CDH18: variants seen among roughly 807,000 people sequenced by gnomAD.
The protein encoded by CDH18 is cadherin-18.
A neutral mutation model predicts 67.9 loss-of-function variants in CDH18; 31 were observed. That is an observed-to-expected ratio of 0.46 (90% CI 0.34 to 0.62). CDH18 has a LOEUF of 0.62. CDH18 is among the 20% of genes least tolerant of loss of function. The pLI, the probability that CDH18 is intolerant of heterozygous loss-of-function variation, is 0.01. For synonymous variants in CDH18, 362 were observed against 347.2 expected, an observed-to-expected ratio of 1.04 and a Z score of -0.48; for missense variants, 890 against 975.5, an observed-to-expected ratio of 0.91 and a Z score of 1.17.
At chr5:19,897,121 A>G (rs1789430861) in intron 2 of CDH18, among the ~76,000 whole-genome samples, 1 of 152,158 alleles carries the variant, frequency 6.6e-6, no homozygotes, top group Non-Finnish European at 1.5e-5. Flanking sequence ...ATTCCTTAAA[A>G]GAAACACCCA....
At chr5:20,145,203 T>A (rs1251856549) in intron 2 of CDH18, among the ~76,000 whole-genome samples, 1 of 152,182 alleles carries the variant, frequency 6.6e-6, no homozygotes, top group East Asian at 1.9e-4. Context: ...ATCTTATTTT[T>A]AGTTTATTTT....
chr5:20,548,516 C>A (rs899419474), intron 1 of CDH18, among the ~76,000 whole-genome samples: 7 of 151,476 alleles, frequency 4.6e-5, no homozygotes, highest in African/African-American at 1.7e-4. Flanking sequence ...GCACAACAAT[C>A]AACTTTCATG....
chr5:19,795,535 T>G (rs1017529493), intron 3 of CDH18, among the ~76,000 whole-genome samples: 3 of 152,132 alleles, frequency 2.0e-5, no homozygotes, highest in African/African-American at 4.8e-5. Flanking sequence ...GAAAATACCC[T>G]GCCATTTAAA....
chr5:19,676,742 T>A (rs1759539325), intron 5 of CDH18, among the ~76,000 whole-genome samples: 1 of 151,922 alleles, frequency 6.6e-6, no homozygotes, highest in Admixed American at 6.6e-5. Context: ...ACACTGTGCA[T>A]GCTCACTTCC....
intron 6 of CDH18, among the ~76,000 whole-genome samples, chr5:19,601,225 TAAG>T (rs1747078031): frequency 1.3e-5 from 2 of 152,082 alleles, no homozygotes; most frequent in Admixed American, 1.3e-4. Flanking sequence ...ATTGATTGGC[TAAG>T]AAAGAGAAAG....
At chr5:20,038,759 A>C (rs1312831959) in intron 2 of CDH18, among the ~76,000 whole-genome samples, 2 of 152,184 alleles carry the variant, frequency 1.3e-5, no homozygotes, top group Non-Finnish European at 2.9e-5. Flanking sequence ...CAAAAACTGG[A>C]AACATTCCCT....
chr5:19,741,026 A>T (rs1456939196), intron 4 of CDH18, among the ~76,000 whole-genome samples: 7 of 151,818 alleles, frequency 4.6e-5, no homozygotes, highest in Admixed American at 4.6e-4. Flanking sequence ...TGCCCGCAAT[A>T]ATGTTATAAT....
chr5:19,555,453 T>C (rs1738223509), intron 8 of CDH18, among the ~76,000 whole-genome samples: 1 of 152,144 alleles, frequency 6.6e-6, no homozygotes, highest in Non-Finnish European at 1.5e-5. Flanking sequence ...AGACCAGCTG[T>C]TTGGGCTGTG....
In CDH18 at chr5:20,305,891, C is replaced by T. The variant is rs940826005; in HGVS notation, c.-579-50386G>A. On this transcript the variant is annotated intron_variant, in intron 1 of 14. Coordinates refer to the CDH18 transcript ENST00000507958. ...ACAATTTTCCACTTGTATACAGGTA[C>T]CTATATTAAAACTTCAACTTATTTC... 3 of 174,052 alleles carry T rather than the reference C, an allele frequency of 1.7e-5. No individual in the cohort carries two copies. In the Admixed American group the frequency reaches 1.7e-4, roughly 10 times the overall value. 10.8% of individuals were successfully genotyped at this position (174,052 alleles called of 1,614,324 possible).
At chr5:20,416,132 T>C (rs114639277) in intron 1 of CDH18, among the ~76,000 whole-genome samples, 1,977 of 152,266 alleles carry the variant, frequency 0.013, 21 homozygotes, top group South Asian at 0.033. Context: ...AGATATCATG[T>C]TAAGTGTTCT....
At chr5:19,619,628 A>C (rs1750387847) in intron 5 of CDH18, among the ~76,000 whole-genome samples, 1 of 152,230 alleles carries the variant, frequency 6.6e-6, no homozygotes, top group South Asian at 2.1e-4. Flanking sequence ...TACACCTTAC[A>C]TTTAAAGGTT....
At chr5:19,862,958 G>A (rs959822428) in intron 2 of CDH18, among the ~76,000 whole-genome samples, 1 of 152,168 alleles carries the variant, frequency 6.6e-6, no homozygotes, top group Middle Eastern at 3.2e-3. Flanking sequence ...GGGTTGGTTG[G>A]TCACAGGCAG....
At chr5:20,389,961 T>A (rs549598929) in intron 1 of CDH18, among the ~76,000 whole-genome samples, 1 of 152,280 alleles carries the variant, frequency 6.6e-6, no homozygotes, top group Admixed American at 6.5e-5. Flanking sequence ...CTGGATCCCT[T>A]CCTTACACCT....
chr5:19,672,611 A>T (rs1213932281), intron 5 of CDH18, among the ~76,000 whole-genome samples: 1 of 152,026 alleles, frequency 6.6e-6, no homozygotes, highest in Non-Finnish European at 1.5e-5. Flanking sequence ...AATTTTCTCC[A>T]CTGGTCTATG....
chr5:19,620,501 T>C (rs1255673271), intron 5 of CDH18, among the ~76,000 whole-genome samples: 1 of 151,866 alleles, frequency 6.6e-6, no homozygotes, highest in African/African-American at 2.4e-5. Flanking sequence ...AGGACAGAGT[T>C]GGTGTATTTT....
chr5:20,283,607 C>T (rs1465467017), intron 1 of CDH18, among the ~76,000 whole-genome samples: 1 of 151,896 alleles, frequency 6.6e-6, no homozygotes, highest in Non-Finnish European at 1.5e-5. Context: ...ATAATAAATG[C>T]TGGTTAAGTA....
At chr5:19,771,353 A>C (rs1773710038) in intron 3 of CDH18, among the ~76,000 whole-genome samples, 1 of 152,204 alleles carries the variant, frequency 6.6e-6, no homozygotes, top group Non-Finnish European at 1.5e-5. Context: ...GTTGCTCTCT[A>C]TCTTGGAGCC....
intron 2 of CDH18, among the ~76,000 whole-genome samples, chr5:19,897,592 A>C (rs1789488598): frequency 6.6e-6 from 1 of 152,146 alleles, no homozygotes; most frequent in Non-Finnish European, 1.5e-5. Flanking sequence ...AAATAAGTAC[A>C]TATATTTTTC....
At chr5:19,950,540 GAAAATATTTTA>G (rs1171554829) in intron 2 of CDH18, among the ~76,000 whole-genome samples, 1 of 151,978 alleles carries the variant, frequency 6.6e-6, no homozygotes, top group Non-Finnish European at 1.5e-5. Flanking sequence ...TTGAAATAAA[GAAAATATTTTA>G]AAAAGGAAGA....
Sources: gnomAD v4.1 joint callset for allele counts (sites outside exome capture counted in the v4.1 genomes callset) on GRCh38, gnomAD v4.1.1 for gene constraint, MANE v1.5 for transcripts, NCBI Gene and HGNC (gene_info 2026-07-23, HGNC 2026-07-21) for gene names.